The following HPS3 variants were observed in gnomAD, a reference collection of about 807,000 sequenced individuals.
HPS3 encodes the protein HPS3 biogenesis of lysosomal organelles complex 2 subunit 1, also known as BLOC-2 complex member HPS3.
A neutral mutation model predicts 110.9 loss-of-function variants in HPS3; 79 were observed. The ratio of observed to expected loss-of-function variants is 0.71; its 90% CI spans 0.59 to 0.86. The LOEUF (loss-of-function observed/expected upper bound fraction) is 0.86, where lower values mean the gene tolerates loss of function less well. Among genes scored for constraint, HPS3 ranks in the 40% least tolerant of loss-of-function variants. HPS3 has a pLI of 0.00. For missense variants in HPS3, 1,197 were observed against 1,206.2 expected (o/e 0.99, Z 0.11); for synonymous variants, 428 against 451.0 (o/e 0.95, Z 0.65).
chr3:149,163,095 A>G (rs932344950), intron 13 of HPS3, among the ~76,000 whole-genome samples: 5 of 152,222 alleles, frequency 3.3e-5, no homozygotes, highest in African/African-American at 1.2e-4. Flanking sequence ...TCTACTTATT[A>G]ATGTCCCTCA....
At position 149,160,265 on chromosome 3, in the gene HPS3, A is replaced by G; in HGVS notation, c.2092A>G (p.Lys698Glu). 4 of 1,612,376 alleles carry G rather than the reference A, an allele frequency of 2.5e-6. No homozygotes were observed. The highest frequency in any genetic ancestry group is 2.5e-6 in the Non-Finnish European group (3 of 1,178,522). Residue 698 changes from lysine (K) to glutamate (E), a missense_variant, in exon 11 of 17, where the codon AAA (lysine) becomes GAA (glutamate). Coordinates refer to ENST00000296051, the MANE Select transcript of HPS3 (RefSeq NM_032383.5). Reference sequence around the variant, plus strand: ...TCTTGACATGCACAGAAATGAAATGAAAAGCCATTCAGAGGTATGGAGCTC... The same window carrying G: ...TCTTGACATGCACAGAAATGAAATGGAAAGCCATTCAGAGGTATGGAGCTC... Reference protein sequence around the residue: ...GDLDMHRNEMKSHSEMKLVCG... With the variant: ...GDLDMHRNEMESHSEMKLVCG...
intron 12 of HPS3, 34 bp from the exon 13 acceptor site, chr3:149,162,656 C>A: frequency 1.3e-6 from 2 of 1,599,280 alleles, no homozygotes; most frequent in Non-Finnish European, 1.7e-6. Flanking sequence ...CTATATTTAT[C>A]TGGAATATAG....
At chr3:149,142,008 G>A (rs1315001711) in intron 4 of HPS3, among the ~76,000 whole-genome samples, 1 of 151,714 alleles carries the variant, frequency 6.6e-6, no homozygotes, top group Non-Finnish European at 1.5e-5. Context: ...GCCCCACCAC[G>A]CCCAGCTAAT....
At chr3:149,154,604 T>C (rs1302419514) in intron 7 of HPS3, among the ~76,000 whole-genome samples, 1 of 152,226 alleles carries the variant, frequency 6.6e-6, no homozygotes, top group African/African-American at 2.4e-5. Context: ...TATAAAAGAT[T>C]GTACACTAAA....
chr3:149,154,828 T>C (rs1229491877), intron 7 of HPS3, among the ~76,000 whole-genome samples: 2 of 152,236 alleles, frequency 1.3e-5, no homozygotes, highest in Non-Finnish European at 2.9e-5. Context: ...TGATGGGACT[T>C]GCCTGTTCTT....
At chr3:149,148,932 A>G (rs960223099) in intron 5 of HPS3, among the ~76,000 whole-genome samples, 1 of 148,606 alleles carries the variant, frequency 6.7e-6, no homozygotes, top group Non-Finnish European at 1.5e-5. Flanking sequence ...AGGTGGAGGT[A>G]AGTCAGGGAA....
chr3:149,157,469 G>A lies in HPS3; in HGVS notation c.1629G>A (p.Glu543=). 6.2e-7 allele frequency: 1 copy of A among 1,613,942 alleles called. No individual in the cohort carries two copies. The highest frequency in any genetic ancestry group is 1.1e-5 in the South Asian group (1 of 91,080). ...ATGCCAGTCAGCTGGAACCTGGAGA[G>A]AAGGCAGAGCTTTTGGAAGCATTTA... is the stretch of plus-strand genomic sequence containing the variant. ...LMDASQLEPG[E]KAELLEAFKE... is the part of the protein sequence containing the mutation. Residue 543 remains glutamate, a synonymous_variant, in exon 9 of 17, where the codon GAG becomes GAA. Coordinates refer to ENST00000296051, the MANE Select transcript of HPS3 (RefSeq NM_032383.5).
At chr3:149,141,540 T>G (rs1442552043) in intron 4 of HPS3, among the ~76,000 whole-genome samples, 160 bp downstream of exon 4, 20 of 146,820 alleles carry the variant, frequency 1.4e-4, no homozygotes, top group East Asian at 7.9e-4. Context: ...TGTTTTTTTT[T>G]TTTTTTTTTT....
chr3:149,169,352 C>T lies in HPS3; in HGVS notation c.2887+1369C>T, dbSNP rs868100316. Among the ~76,000 whole-genome samples, 6 of 152,006 alleles carry T rather than the reference C, an allele frequency of 3.9e-5. No individual in the cohort carries two copies. In the East Asian group the frequency reaches 5.8e-4, roughly 15 times the overall value. ...CCAGGTTTGCCACTTACTAAGTGTC[C>T]GAGAGCAACCCAGTTTTCTAATGTC... is the stretch of plus-strand genomic sequence containing the variant. On this transcript the variant is annotated intron_variant, in intron 16 of 16. Transcript: ENST00000296051.
chr3:149,142,866 A>C (rs1269030510), intron 4 of HPS3, among the ~76,000 whole-genome samples: 1 of 152,064 alleles, frequency 6.6e-6, no homozygotes, highest in Non-Finnish European at 1.5e-5. Context: ...ATAACAAAAG[A>C]CCCTGACCTC....
At position 149,165,641 on chromosome 3, in the gene HPS3, C is replaced by T. The variant is rs190062347; in HGVS notation, c.2590-1393C>T. Among the ~76,000 whole-genome samples the T allele has an allele frequency of 6.6e-3, 1,009 of 152,176 alleles. 12 individuals carry two copies. The highest frequency in any genetic ancestry group is 7.8e-3 in the Non-Finnish European group (530 of 68,010). The stretch of plus-strand genomic sequence containing the variant: ...ACAGGTGTGAGTCACTGCACCTGAC[C>T]TTACTTTCAAACTTCTTGATTACAT... On this transcript the variant is annotated intron_variant, in intron 14 of 16. Transcript: ENST00000296051.
rs777564515 is a variant in HPS3 at position 149,167,138 on chromosome 3, T to C, written c.2694T>C (p.Arg898=). 1.9e-6 allele frequency: 3 copies of C among 1,613,872 alleles called. No homozygotes were observed. Among genetic ancestry groups the C allele is most frequent in the South Asian group, 1.1e-5 (1 of 91,082 alleles). ...GCCTCAGTGTCCATGTTCTGTGTCG[T>C]ACACGCTTGAAAGAGTATGAACAGT... ...IAGLSVHVLC[R]TRLKEYEQCI... Residue 898 remains arginine (R), a synonymous_variant, in exon 15 of 17, where the codon CGT becomes CGC. Transcript: ENST00000296051.
chr3:149,157,446 G>A lies in HPS3; in HGVS notation c.1606G>A (p.Ala536Thr), dbSNP rs774349540. 1 of 1,613,880 alleles carries A rather than the reference G, an allele frequency of 6.2e-7. No individual in the cohort carries two copies. Among genetic ancestry groups the A allele is most frequent in the South Asian group, 1.1e-5 (1 of 91,076 alleles). ...GTTAGTGCGAGCTGCCCTGATGGAT[G>A]CCAGTCAGCTGGAACCTGGAGAGAA... is the stretch of plus-strand genomic sequence containing the variant. ...HLLVRAALMD[A>T]SQLEPGEKAE... Residue 536 changes from alanine to threonine, a missense_variant, in exon 9 of 17, where the codon GCC (alanine) becomes ACC (threonine). Physicochemically the swap from Ala to Thr is moderately conservative, Grantham distance 58 (BLOSUM62 0). Coordinates refer to ENST00000296051, the MANE Select transcript of HPS3 (RefSeq NM_032383.5).
intron 6 of HPS3, 28 bp from the exon 7 acceptor site, chr3:149,153,466 G>T (rs1230953688): frequency 1.3e-6 from 2 of 1,596,890 alleles, no homozygotes; most frequent in East Asian, 2.2e-5. Flanking sequence ...TTTATTTCTT[G>T]CTTAAATATG....
chr3:149,173,537 C>T lies in HPS3; in HGVS notation c.*1315C>T, dbSNP rs1725194159. On this transcript the variant is annotated 3_prime_UTR_variant, in exon 17 of 17. Transcript: ENST00000296051. The stretch of plus-strand genomic sequence containing the variant: ...ATGTATCATTATATAGTCTGTTGAT[C>T]TTTCCATTTGCAAAAAATTAATAGT... The T allele has an allele frequency of 6.0e-6, 3 of 503,376 alleles. No individual in the cohort carries two copies. The highest frequency in any genetic ancestry group is 1.1e-5 in the Non-Finnish European group (3 of 274,166). The allele number at this position is 503,376 out of a possible 1,614,324, so 31.2% of individuals were successfully genotyped here. A position where few individuals can be genotyped will look rare whatever the true frequency, so the allele number is the denominator to read the frequency against.
chr3:149,142,889 GGGA>G (rs1722564120), intron 4 of HPS3, among the ~76,000 whole-genome samples: 3 of 152,120 alleles, frequency 2.0e-5, no homozygotes, highest in African/African-American at 7.2e-5. Context: ...CTTGAGGTCA[GGGA>G]AGGCTTCCTG....
chr3:149,169,353 G>A (rs947052061), intron 16 of HPS3, among the ~76,000 whole-genome samples: 1 of 152,142 alleles, frequency 6.6e-6, no homozygotes, highest in Non-Finnish European at 1.5e-5. Flanking sequence ...CTAAGTGTCC[G>A]AGAGCAACCC....
intron 1 of HPS3, among the ~76,000 whole-genome samples, chr3:149,131,433 C>A (rs1033805726): frequency 6.6e-6 from 1 of 152,070 alleles, no homozygotes; most frequent in Non-Finnish European, 1.5e-5. Flanking sequence ...TTTGATAGTT[C>A]TTGGCAATAT....
intron 8 of HPS3, among the ~76,000 whole-genome samples, chr3:149,156,150 C>T (rs1460278214): frequency 6.6e-6 from 1 of 152,200 alleles, no homozygotes. Context: ...GCACTCTGTG[C>T]TTTCTGTGCA....
Sources: gnomAD v4.1 joint callset for allele counts (sites outside exome capture counted in the v4.1 genomes callset) on GRCh38, gnomAD v4.1.1 for gene constraint, MANE v1.5 for transcripts, NCBI Gene and HGNC (gene_info 2026-07-23, HGNC 2026-07-21) for gene names.